Variants in ASH1L observed in about 807,000 individuals in gnomAD.
The protein encoded by ASH1L is ASH1 like histone lysine methyltransferase, also known as histone-lysine N-methyltransferase ASH1L.
In ASH1L, 23 loss-of-function variants were observed where a neutral mutation model predicts 269.0. That is an observed-to-expected ratio of 0.09 (90% CI 0.06 to 0.12). The LOEUF is 0.12. Among genes scored for constraint, ASH1L ranks in the 10% least tolerant of loss-of-function variants. ASH1L has a pLI of 1.00. For synonymous variants in ASH1L, 1,187 were observed against 1,253.5 expected, an observed-to-expected ratio of 0.95 and a Z score of 1.12; for missense variants, 2,912 against 3,567.8, an observed-to-expected ratio of 0.82 and a Z score of 4.68.
intron 17 of ASH1L, 76 bp from the exon 18 acceptor site, chr1:155,349,672 G>T: frequency 5.3e-6 from 5 of 944,716 alleles, no homozygotes; most frequent in South Asian, 1.4e-5. Flanking sequence ...TGGAAGAATA[G>T]AATCCCTCAA....
intron 3 of ASH1L, among the ~76,000 whole-genome samples, chr1:155,467,313 ATAAAT>A (rs1664766279): frequency 6.6e-6 from 1 of 152,220 alleles, no homozygotes; most frequent in African/African-American, 2.4e-5. Context: ...ACATACATAC[ATAAAT>A]TAAATAGAAT....
At chr1:155,434,520 A>G (rs1426142993) in intron 5 of ASH1L, among the ~76,000 whole-genome samples, 2 of 151,772 alleles carry the variant, frequency 1.3e-5, no homozygotes, top group Non-Finnish European at 2.9e-5. Flanking sequence ...AAAAAAAAAA[A>G]AAAAAAATTG....
At chr1:155,528,763 G>C (rs939717182) in intron 1 of ASH1L, among the ~76,000 whole-genome samples, 1 of 151,972 alleles carries the variant, frequency 6.6e-6, no homozygotes, top group African/African-American at 2.4e-5. Context: ...TGTTACGTGG[G>C]TAAACTTGTG....
intron 2 of ASH1L, among the ~76,000 whole-genome samples, chr1:155,484,185 T>A (rs1666142766): frequency 6.6e-6 from 1 of 152,070 alleles, no homozygotes; most frequent in Admixed American, 6.6e-5. Flanking sequence ...GCATCCCAGA[T>A]CTCCAAATAT....
At chr1:155,554,519 G>A (rs1466435351) in intron 1 of ASH1L, among the ~76,000 whole-genome samples, 12 of 152,106 alleles carry the variant, frequency 7.9e-5, no homozygotes, top group Admixed American at 4.6e-4. Context: ...TGATCCACCC[G>A]CCTCGTCCTC....
At position 155,357,568 on chromosome 1, in the gene ASH1L, A is replaced by G. The variant is rs1654530097; in HGVS notation, c.6960+17T>C. The G allele has an allele frequency of 6.2e-7, 1 of 1,613,804 alleles. No individual in the cohort carries two copies. Among genetic ancestry groups the G allele is most frequent in the Non-Finnish European group, 8.5e-7 (1 of 1,179,820 alleles). ...TCATGAACAGCTTTTGGGGAAAGTC[A>G]TTAGATAATTATTCACCCTTTTCTT... On this transcript the variant is annotated intron_variant, in intron 14 of 27. Transcript: ENST00000392403.
At chr1:155,348,476 C>T (rs1170601644) in intron 19 of ASH1L, among the ~76,000 whole-genome samples, 1 of 152,076 alleles carries the variant, frequency 6.6e-6, no homozygotes. Flanking sequence ...CTCTTCTATG[C>T]ACCATACAAT....
chr1:155,370,567 C>G lies in ASH1L; in HGVS notation c.6623G>C (p.Arg2208Pro). Reference sequence around the variant, plus strand: ...GATGAATCGGGCCTCATTTCCCATGCGGTAACTGTCAATCACCATCCCACT... The same window carrying G: ...GATGAATCGGGCCTCATTTCCCATGGGGTAACTGTCAATCACCATCCCACT... ...LDSGMVIDSY[R>P]MGNEARFINH... is the part of the protein sequence containing the mutation. The change falls in exon 12 of 28, where the codon CGC becomes CCC. Residue 2208 changes from arginine to proline, a missense_variant. Physicochemically the swap from Arg to Pro is moderately radical, Grantham distance 103. This residue lies in a region of ASH1L where 193 missense variants were observed against 311.6 expected (regional missense o/e 0.62). Coordinates refer to ENST00000392403, the MANE Select transcript of ASH1L (RefSeq NM_018489.3). The G allele has an allele frequency of 1.2e-6, 2 of 1,614,128 alleles. No individual in the cohort carries two copies. The highest frequency in any genetic ancestry group is 1.7e-6 in the Non-Finnish European group (2 of 1,180,030).
chr1:155,467,772 T>C (rs1664795105), intron 3 of ASH1L, among the ~76,000 whole-genome samples: 1 of 152,142 alleles, frequency 6.6e-6, no homozygotes, highest in African/African-American at 2.4e-5. Context: ...ATACAAATAG[T>C]AAATAACCTT....
At chr1:155,411,103 G>A (rs1283488716) in intron 6 of ASH1L, among the ~76,000 whole-genome samples, 2 of 152,144 alleles carry the variant, frequency 1.3e-5, no homozygotes, top group African/African-American at 2.4e-5. Context: ...TGGGCAGGTT[G>A]TGTGTATGAA....
In ASH1L at chr1:155,479,854, C is replaced by T. The variant is rs1442730479; in HGVS notation, c.3016G>A (p.Val1006Ile). The change falls in exon 3 of 28, where the codon GTA becomes ATA. Residue 1006 changes from valine to isoleucine, a missense_variant. This residue lies in a region of ASH1L where 715 missense variants were observed against 721.0 expected (regional missense o/e 0.99). Transcript: ENST00000392403. ...ACTTTCCCTTTATTACTTGATTCTACAGAACTTGAAAGAATCTGATTCAAC... is the reference window on the plus strand; with the variant it reads ...ACTTTCCCTTTATTACTTGATTCTATAGAACTTGAAAGAATCTGATTCAAC... ...KLLNQILSSS[V>I]ESSNKGKVQS... 8.7e-6 allele frequency: 14 copies of T among 1,613,722 alleles called. No homozygotes were observed. Among genetic ancestry groups the T allele is most frequent in the Non-Finnish European group, 1.2e-5 (14 of 1,179,872 alleles).
At chr1:155,542,800 C>T (rs1453445315) in intron 1 of ASH1L, among the ~76,000 whole-genome samples, 1 of 151,046 alleles carries the variant, frequency 6.6e-6, no homozygotes, top group Non-Finnish European at 1.5e-5. Context: ...CTGCCTCAGC[C>T]TCCTGAGTAG....
chr1:155,478,917 G>A lies in ASH1L; in HGVS notation c.3953C>T (p.Thr1318Ile). ...HHFIPRDLLP[T>I]IFRINFNSFY... ...ACTATTAAAGTTGATTCGAAAGATAGTTGGCAGAAGATCTCGGGGGATAAA... is the reference window on the plus strand; with the variant it reads ...ACTATTAAAGTTGATTCGAAAGATAATTGGCAGAAGATCTCGGGGGATAAA... The change falls in exon 3 of 28, where the codon ACT (threonine) becomes ATT (isoleucine). Residue 1318 changes from threonine (T) to isoleucine (I), a missense_variant. Transcript: ENST00000392403. The surrounding 1 kb of genome is among the most constrained non-coding windows in gnomAD (Gnocchi z 4.6). 6.2e-7 allele frequency: 1 copy of A among 1,614,004 alleles called. No homozygotes were observed. The highest frequency in any genetic ancestry group is 8.5e-7 in the Non-Finnish European group (1 of 1,179,996).
intron 1 of ASH1L, among the ~76,000 whole-genome samples, chr1:155,522,647 G>A (rs1245242663): frequency 6.6e-6 from 1 of 151,374 alleles, no homozygotes; most frequent in Non-Finnish European, 1.5e-5. Context: ...AGATCCTCAG[G>A]AAACCAGATT....
At chr1:155,510,325 A>G (rs1390421509) in intron 2 of ASH1L, among the ~76,000 whole-genome samples, 1 of 151,264 alleles carries the variant, frequency 6.6e-6, no homozygotes, top group Non-Finnish European at 1.5e-5. Flanking sequence ...GAGGCAAGAC[A>G]AAAGCTTGAA....
chr1:155,536,515 T>C (rs546847801), intron 1 of ASH1L, among the ~76,000 whole-genome samples: 2 of 152,310 alleles, frequency 1.3e-5, no homozygotes, highest in African/African-American at 4.8e-5. Flanking sequence ...ATCTGTCAGC[T>C]TTACCTTCAA....
At chr1:155,347,396 G>GA (rs1157283190) in intron 20 of ASH1L, among the ~76,000 whole-genome samples, 1 of 152,002 alleles carries the variant, frequency 6.6e-6, no homozygotes, top group African/African-American at 2.4e-5. Context: ...GACAGAGCAA[G>GA]ATCCTATCTT....
At chr1:155,530,206 T>C (rs992763908) in intron 1 of ASH1L, among the ~76,000 whole-genome samples, 1 of 152,050 alleles carries the variant, frequency 6.6e-6, no homozygotes, top group African/African-American at 2.4e-5. Flanking sequence ...TCACATTCAG[T>C]ATCCTATTTT....
intron 6 of ASH1L, 27 bp downstream of exon 6, chr1:155,415,717 T>C: frequency 6.3e-7 from 1 of 1,592,268 alleles, no homozygotes; most frequent in Non-Finnish European, 8.5e-7. Context: ...GAAAAAGGGA[T>C]GTTAGCTAAT....
Sources: gnomAD v4.1 joint callset for allele counts (sites outside exome capture counted in the v4.1 genomes callset) on GRCh38, gnomAD v4.1.1 for gene constraint, gnomAD v4.1.1 regional missense constraint, Gnocchi (gnomAD v3.1) non-coding constraint, MANE v1.5 for transcripts, NCBI Gene and HGNC (gene_info 2026-07-23, HGNC 2026-07-21) for gene names.